The following MED27 variants were observed in gnomAD, a reference collection of about 807,000 sequenced individuals.
The protein encoded by MED27 is mediator of RNA polymerase II transcription subunit 27.
A neutral mutation model predicts 38.2 loss-of-function variants in MED27; 30 were observed. The observed-to-expected ratio is 0.79, with a 90% CI of 0.59 to 1.07. The LOEUF is 1.07. Among genes scored for constraint, MED27 ranks in the 50% least tolerant of loss-of-function variants. MED27 has a pLI of 0.00. For missense variants in MED27, 289 were observed against 397.5 expected, an observed-to-expected ratio of 0.73 and a Z score of 2.32; for synonymous variants, 122 against 153.5, an observed-to-expected ratio of 0.79 and a Z score of 1.52.
intron 2 of MED27, among the ~76,000 whole-genome samples, chr9:132,068,872 C>T (rs1237913178): frequency 6.6e-6 from 1 of 152,098 alleles, no homozygotes; most frequent in African/African-American, 2.4e-5. Context: ...AGTGAAGCCA[C>T]AGAACAGATG....
At chr9:132,043,055 T>C (rs527901655) in intron 2 of MED27, among the ~76,000 whole-genome samples, 1 of 152,278 alleles carries the variant, frequency 6.6e-6, no homozygotes, top group Admixed American at 6.5e-5. Flanking sequence ...ATAAGAGCAC[T>C]GCTTCCCCAA....
intron 2 of MED27, among the ~76,000 whole-genome samples, chr9:132,047,091 T>C (rs1833356707): frequency 1.3e-5 from 2 of 152,146 alleles, no homozygotes; most frequent in Non-Finnish European, 2.9e-5. Flanking sequence ...ATCTTAAAGA[T>C]ATGTATGTAA....
chr9:131,953,155 C>A (rs540890641), intron 3 of MED27, among the ~76,000 whole-genome samples: 1 of 152,184 alleles, frequency 6.6e-6, no homozygotes, highest in African/African-American at 2.4e-5. Context: ...ACTGTGGATG[C>A]GGCTAGTTTA....
intron 2 of MED27, among the ~76,000 whole-genome samples, chr9:132,071,433 G>T (rs1229211089): frequency 1.4e-5 from 2 of 142,632 alleles, no homozygotes; most frequent in Non-Finnish European, 3.1e-5. Flanking sequence ...TGAATAACAG[G>T]TGCCTCATAA....
intron 3 of MED27, among the ~76,000 whole-genome samples, chr9:131,998,028 T>G (rs1434001500): frequency 2.0e-5 from 3 of 152,162 alleles, no homozygotes; most frequent in Non-Finnish European, 4.4e-5. Flanking sequence ...CAAAAAGCAC[T>G]GCTAACAGGG....
At chr9:131,919,126 G>T (rs965115085) in intron 4 of MED27, among the ~76,000 whole-genome samples, 1 of 152,092 alleles carries the variant, frequency 6.6e-6, no homozygotes, top group Non-Finnish European at 1.5e-5. Context: ...GGAGGATGGG[G>T]AACTCCCACA....
chr9:131,871,399 G>A (rs1164479800), intron 6 of MED27, among the ~76,000 whole-genome samples: 1 of 152,174 alleles, frequency 6.6e-6, no homozygotes, highest in African/African-American at 2.4e-5. Context: ...GAAAGGACTG[G>A]GGAGAAAAAC....
intron 5 of MED27, among the ~76,000 whole-genome samples, chr9:131,888,321 G>C (rs1451838025): frequency 6.6e-6 from 1 of 152,198 alleles, no homozygotes; most frequent in African/African-American, 2.4e-5. Context: ...GTCCACCATT[G>C]CATAGTTAAT....
chr9:131,928,612 A>C (rs941153795), intron 4 of MED27, among the ~76,000 whole-genome samples: 1 of 152,190 alleles, frequency 6.6e-6, no homozygotes, highest in Non-Finnish European at 1.5e-5. Flanking sequence ...GCCCTGACAC[A>C]GTGGAGAGTA....
At chr9:131,968,178 A>T (rs766181237) in intron 3 of MED27, among the ~76,000 whole-genome samples, 1 of 152,156 alleles carries the variant, frequency 6.6e-6, no homozygotes, top group African/African-American at 2.4e-5. Context: ...ATTTATGCTT[A>T]TAAGAATGTT....
intron 4 of MED27, among the ~76,000 whole-genome samples, chr9:131,907,357 G>A (rs1457261304): frequency 6.6e-6 from 1 of 152,018 alleles, no homozygotes; most frequent in Non-Finnish European, 1.5e-5. Context: ...GCCTGCGACT[G>A]CAGGCACGCG....
chr9:131,966,383 C>CAAAAAAGAAAAAAAAAAA (rs1831348370), intron 3 of MED27, among the ~76,000 whole-genome samples: 1 of 36,776 alleles, frequency 2.7e-5, no homozygotes, highest in Non-Finnish European at 4.2e-5. Context: ...GACCCTGTCA[C>CAAAAAAGAAAAAAAAAAA]AAAAAAAAAA....
chr9:132,053,996 G>GA (rs200276449), intron 2 of MED27, among the ~76,000 whole-genome samples: 24 of 147,592 alleles, frequency 1.6e-4, no homozygotes, highest in Admixed American at 4.0e-4. Context: ...AATGTATTCA[G>GA]AAAAAAAAAA....
chr9:132,061,184 C>T (rs1833688406), intron 2 of MED27, among the ~76,000 whole-genome samples: 2 of 152,148 alleles, frequency 1.3e-5, no homozygotes, highest in Admixed American at 1.3e-4. Flanking sequence ...GATGCTGAAC[C>T]TTAACTTCAG....
chr9:131,972,939 T>C (rs1831513032), intron 3 of MED27, among the ~76,000 whole-genome samples: 1 of 152,098 alleles, frequency 6.6e-6, no homozygotes, highest in African/African-American at 2.4e-5. Context: ...AACCCAACTA[T>C]TTCCAAAACT....
chr9:132,015,972 A>C (rs1465313317), intron 2 of MED27, among the ~76,000 whole-genome samples: 1 of 152,240 alleles, frequency 6.6e-6, no homozygotes, highest in Admixed American at 6.5e-5. Flanking sequence ...AGAATTATCT[A>C]AACATACAAA....
intron 6 of MED27, among the ~76,000 whole-genome samples, chr9:131,879,844 T>C (rs537132685): frequency 1.4e-4 from 22 of 152,304 alleles, no homozygotes; most frequent in African/African-American, 5.1e-4. Flanking sequence ...TGACACCCCA[T>C]ATATAAGTGG....
At chr9:131,869,543 C>T (rs1449389791) in intron 6 of MED27, among the ~76,000 whole-genome samples, 1 of 152,212 alleles carries the variant, frequency 6.6e-6, no homozygotes, top group Non-Finnish European at 1.5e-5. Context: ...CACTAATGCT[C>T]CCAAGGAGAG....
chr9:131,924,868 T>C lies in MED27; in HGVS notation c.573+14513A>G, dbSNP rs562953351. 2.6e-5 allele frequency among the ~76,000 whole-genome samples: 4 copies of C among 152,390 alleles called. No homozygotes were observed. In the East Asian group the frequency reaches 7.7e-4, roughly 29 times the overall value. ...TCAATAAGTGTGTTAAATTAATTCA[T>C]ATTTATTGATATGACTGATATGTGT... On this transcript the variant is annotated intron_variant, in intron 4 of 7. Transcript: ENST00000292035.
Sources: allele counts gnomAD v4.1 joint callset (sites outside exome capture counted in the v4.1 genomes callset), GRCh38; gene constraint gnomAD v4.1.1; transcripts MANE v1.5; gene names NCBI Gene and HGNC (gene_info 2026-07-23, HGNC 2026-07-21).